The following AQR variants were observed in gnomAD, a reference collection of about 807,000 sequenced individuals.
AQR encodes aquarius intron-binding spliceosomal factor.
In AQR, 61 loss-of-function variants were observed where a neutral mutation model predicts 180.5. The observed-to-expected ratio is 0.34, with a 90% CI of 0.28 to 0.42. AQR has a LOEUF of 0.42. AQR is among the 10% of genes least tolerant of loss of function. AQR has a pLI of 1.00. For synonymous variants in AQR, 551 were observed against 588.8 expected (o/e 0.94, Z 0.93); for missense variants, 1,281 against 1,798.3 (o/e 0.71, Z 5.20).
At chr15:34,895,600 A>G (rs1296071668) in intron 22 of AQR, among the ~76,000 whole-genome samples, 3 of 152,196 alleles carry the variant, frequency 2.0e-5, no homozygotes, top group Non-Finnish European at 4.4e-5. Flanking sequence ...AACTTCCATC[A>G]ATGAAGACAG....
At chr15:34,913,285 G>T (rs577842738) in intron 16 of AQR, among the ~76,000 whole-genome samples, 1 of 152,078 alleles carries the variant, frequency 6.6e-6, no homozygotes, top group East Asian at 1.9e-4. Flanking sequence ...AAAAAGTATA[G>T]ATTTCTGGCC....
intron 1 of AQR, among the ~76,000 whole-genome samples, chr15:34,966,673 G>A (rs2050311018): frequency 6.6e-6 from 1 of 152,170 alleles, no homozygotes; most frequent in Admixed American, 6.6e-5. Flanking sequence ...ACTGTGTGAT[G>A]ACTATTTGTC....
At chr15:34,879,847 T>C (rs1261084807) in intron 27 of AQR, among the ~76,000 whole-genome samples, 2 of 152,080 alleles carry the variant, frequency 1.3e-5, no homozygotes, top group African/African-American at 4.8e-5. Context: ...GGATCAGAAA[T>C]GAGCACCACA....
chr15:34,900,601 C>T (rs749452024), intron 20 of AQR, 21 bp downstream of exon 20: 94 of 1,607,948 alleles, frequency 5.8e-5, no homozygotes, highest in Middle Eastern at 1.7e-4. Flanking sequence ...TGGAGAGGAG[C>T]GTACCCAGTT....
At position 34,887,297 on chromosome 15, in the gene AQR, G is replaced by A. The variant is rs191735333; in HGVS notation, c.2682-636C>T. ...GACACTTTCACAAAGAAGAAAGCAGGACAGTGCATTCTGGTGCTAGTTCAT... is the reference window on the plus strand; with the variant it reads ...GACACTTTCACAAAGAAGAAAGCAGAACAGTGCATTCTGGTGCTAGTTCAT... On this transcript the variant is annotated intron_variant, in intron 24 of 34. Transcript: ENST00000156471. 3.2e-4 allele frequency among the ~76,000 whole-genome samples: 48 copies of A among 152,250 alleles called. No individual in the cohort carries two copies. In the East Asian group the frequency reaches 6.6e-3, roughly 21 times the overall value.
In AQR at chr15:34,856,721, T is replaced by A; in HGVS notation, c.*71A>T. ...GACAGTAAAATGGCAGAAGCAAATA[T>A]AAAATACAAAAAACAGCTTTACTCA... On this transcript the variant is annotated 3_prime_UTR_variant, in exon 35 of 35. Coordinates refer to ENST00000156471, the MANE Select transcript of AQR (RefSeq NM_014691.3). The A allele has an allele frequency of 7.6e-7, 1 of 1,311,164 alleles. No homozygotes were observed. 81.2% of individuals were successfully genotyped at this position (1,311,164 alleles called of 1,614,324 possible).
At chr15:34,867,317 T>C (rs895130008) in intron 32 of AQR, among the ~76,000 whole-genome samples, 8 of 152,114 alleles carry the variant, frequency 5.3e-5, no homozygotes, top group Non-Finnish European at 1.0e-4. Context: ...AACTTAAAAT[T>C]ACTAAAACAT....
chr15:34,903,695 G>GA (rs1407429373), intron 19 of AQR, among the ~76,000 whole-genome samples: 1 of 152,068 alleles, frequency 6.6e-6, no homozygotes, highest in African/African-American at 2.4e-5. Flanking sequence ...GGGAGAAAGA[G>GA]AAAAGAAAGG....
In AQR at chr15:34,857,123, A is replaced by AC. The variant is rs1892598172; in HGVS notation, c.4144-18_4144-17insG. 2 of 1,533,160 alleles carry AC rather than the reference A, an allele frequency of 1.3e-6. No individual in the cohort carries two copies. The highest frequency in any genetic ancestry group is 2.8e-5 in the African/African-American group (2 of 71,866). 95.0% of individuals were successfully genotyped at this position (1,533,160 alleles called of 1,614,324 possible). A position where few individuals can be genotyped will look rare whatever the true frequency, so the allele number is the denominator to read the frequency against. ...TAATAAAGTCTAATTAAAAAAAAAA[A>AC]AACAAAGACAATACCAATATGAAAA... On this transcript the variant is annotated splice_polypyrimidine_tract_variant and intron_variant, in intron 34 of 34. Transcript: ENST00000156471.
chr15:34,858,320 CAAAAAAAAAAAAA>C (rs57627687), intron 34 of AQR, among the ~76,000 whole-genome samples: 3 of 86,090 alleles, frequency 3.5e-5, no homozygotes, highest in Admixed American at 1.3e-4. Context: ...ACGACAGCAG[CAAAAAAAAAAAAA>C]AAAAAAAAGA....
intron 17 of AQR, among the ~76,000 whole-genome samples, chr15:34,907,337 C>T (rs980301379): frequency 6.6e-6 from 1 of 152,024 alleles, no homozygotes; most frequent in African/African-American, 2.4e-5. Context: ...GTCACTAGAC[C>T]CAATAAAGAA....
chr15:34,956,289 G>C (rs1595810748), intron 3 of AQR, among the ~76,000 whole-genome samples: 1 of 152,038 alleles, frequency 6.6e-6, no homozygotes, highest in East Asian at 1.9e-4. Context: ...TTCATAACAG[G>C]ATTAAACATC....
intron 2 of AQR, among the ~76,000 whole-genome samples, chr15:34,961,108 TTTAAAC>T (rs1247666960): frequency 6.6e-6 from 1 of 152,210 alleles, no homozygotes; most frequent in Non-Finnish European, 1.5e-5. Context: ...CAGGATTTTT[TTTAAAC>T]TTAAAGTGTA....
intron 33 of AQR, among the ~76,000 whole-genome samples, chr15:34,860,957 G>A (rs1475487034): frequency 6.6e-6 from 1 of 152,140 alleles, no homozygotes; most frequent in Non-Finnish European, 1.5e-5. Flanking sequence ...AGGTAAGGTA[G>A]TAAAGCAAAT....
At chr15:34,883,353 C>CA (rs1893004719) in intron 26 of AQR, among the ~76,000 whole-genome samples, 1 of 152,068 alleles carries the variant, frequency 6.6e-6, no homozygotes, top group South Asian at 2.1e-4. Context: ...TATGGAAAAA[C>CA]AAAAAACATT....
Position 34,862,863 on chromosome 15 carries a change from C to T in AQR, c.4029+4G>A. ...GTTTTATAAAATGAAGAAAGAAGTC[C>T]TACCTTTCTAGTAGTTGGGAAAGGT... On this transcript the variant is annotated splice_donor_region_variant and intron_variant, in intron 33 of 34. Coordinates refer to ENST00000156471, the MANE Select transcript of AQR (RefSeq NM_014691.3). The T allele has an allele frequency of 6.2e-7, 1 of 1,612,942 alleles. No homozygotes were observed. The highest frequency in any genetic ancestry group is 2.2e-5 in the East Asian group (1 of 44,848).
At chr15:34,946,959 A>G (rs1229335042) in intron 5 of AQR, among the ~76,000 whole-genome samples, 3 of 151,596 alleles carry the variant, frequency 2.0e-5, no homozygotes, top group Admixed American at 1.3e-4. Context: ...GGCCGCGCCT[A>G]CTGGGAAGTG....
At chr15:34,903,994 CAAGT>C (rs1165868736) in intron 19 of AQR, among the ~76,000 whole-genome samples, 5 of 151,948 alleles carry the variant, frequency 3.3e-5, no homozygotes, top group Non-Finnish European at 4.4e-5. Context: ...CCCCAGTAAA[CAAGT>C]AAGCAAGTTT....
At chr15:34,935,500 T>C (rs1893931489) in intron 9 of AQR, among the ~76,000 whole-genome samples, 1 of 152,188 alleles carries the variant, frequency 6.6e-6, no homozygotes, top group Non-Finnish European at 1.5e-5. Flanking sequence ...TACATAAAAA[T>C]CCATTTATTT....
Sources: allele counts gnomAD v4.1 joint callset (sites outside exome capture counted in the v4.1 genomes callset), GRCh38; gene constraint gnomAD v4.1.1; transcripts MANE v1.5; gene names NCBI Gene and HGNC (gene_info 2026-07-23, HGNC 2026-07-21).